Variants in INO80D observed in about 807,000 individuals in gnomAD.
The protein encoded by INO80D is INO80 complex subunit D.
INO80D carries 21 observed loss-of-function variants against 87.6 expected under a neutral mutation model. The observed-to-expected ratio is 0.24, with a 90% CI of 0.17 to 0.35. The LOEUF is 0.35. Among genes scored for constraint, INO80D ranks in the 10% least tolerant of loss-of-function variants. INO80D has a pLI of 1.00. For synonymous variants in INO80D, 440 were observed against 491.0 expected (o/e 0.90, Z 1.37); for missense variants, 982 against 1,280.7 (o/e 0.77, Z 3.56).
At chr2:206,044,764 T>A (rs918121638) in intron 5 of INO80D, among the ~76,000 whole-genome samples, 2 of 152,212 alleles carry the variant, frequency 1.3e-5, no homozygotes, top group Admixed American at 1.3e-4. Flanking sequence ...AAATTAAGAA[T>A]GATAACTACC....
At chr2:206,013,392 A>C (rs1688231326) in intron 8 of INO80D, among the ~76,000 whole-genome samples, 2 of 152,056 alleles carry the variant, frequency 1.3e-5, no homozygotes, top group Admixed American at 1.3e-4. Context: ...TCTCTACTAA[A>C]AATACAAAAA....
chr2:206,084,271 A>C (rs3796050), intron 1 of INO80D, among the ~76,000 whole-genome samples: 61 of 137,462 alleles, frequency 4.4e-4, no homozygotes, highest in East Asian at 2.4e-3. Context: ...ACACACACAC[A>C]CACCCCAAAA....
At chr2:206,007,497 C>T in intron 9 of INO80D, 56 bp from the exon 10 acceptor site, 1 of 1,533,220 alleles carries the variant, frequency 6.5e-7, no homozygotes, top group Middle Eastern at 1.7e-4. Flanking sequence ...CACATCAATA[C>T]CACCAAGCCA....
chr2:206,009,725 T>G lies in INO80D; in HGVS notation c.1612A>C (p.Thr538Pro). ...TTTTTGGTTAGTGCAGGAGGCTTGG[T>G]TTTTTTCCTGGGTTTCCTCTGCTGC... ...HQQQRKPRKK[T>P]KPPALTKKHK... The change falls in exon 9 of 11, where the codon ACC (threonine) becomes CCC (proline). Residue 538 changes from threonine (T) to proline (P), a missense_variant. By Grantham distance (38) the Thr-to-Pro change is conservative. Coordinates refer to ENST00000403263, the MANE Select transcript of INO80D (RefSeq NM_017759.5). 1 of 1,613,886 alleles carries G rather than the reference T, an allele frequency of 6.2e-7. No homozygotes were observed. Among genetic ancestry groups the G allele is most frequent in the East Asian group, 2.2e-5 (1 of 44,882 alleles).
chr2:206,036,988 C>G (rs1460751258), intron 5 of INO80D, among the ~76,000 whole-genome samples: 1 of 152,146 alleles, frequency 6.6e-6, no homozygotes, highest in African/African-American at 2.4e-5. Flanking sequence ...ATTAATATTT[C>G]AAACCTGGTT....
chr2:206,021,755 G>C (rs925698893), intron 6 of INO80D, among the ~76,000 whole-genome samples: 1 of 152,050 alleles, frequency 6.6e-6, no homozygotes, highest in South Asian at 2.1e-4. Context: ...TGGGATTACA[G>C]GCACCTGCCA....
chr2:206,017,589 T>A, intron 8 of INO80D, 91 bp downstream of exon 8: 1 of 1,060,824 alleles, frequency 9.4e-7, no homozygotes, highest in Non-Finnish European at 1.3e-6. Flanking sequence ...TTTCAGTGAT[T>A]TATATACATA....
rs772129547 is a variant in INO80D, at chr2:206,004,692, C to T, written c.2760G>A (p.Thr920=). The change falls in exon 11 of 11, where the codon ACG becomes ACA. Residue 920 remains threonine (T), a synonymous_variant. Coordinates refer to ENST00000403263, the MANE Select transcript of INO80D (RefSeq NM_017759.5). This position sits in a 1 kb window ranked among gnomAD's most constrained non-coding sequence, Gnocchi z 4.9. ...TCTCTGAGTTCGAAGTGGTGGGTGGCGTGGATAGGGAAGTGGAAAGAAGAT... is the reference window on the plus strand; with the variant it reads ...TCTCTGAGTTCGAAGTGGTGGGTGGTGTGGATAGGGAAGTGGAAAGAAGAT... The part of the protein sequence containing the change: ...DGHLLSTSLS[T]PPTTSNSETT... 10 of 1,613,664 alleles carry T rather than the reference C, an allele frequency of 6.2e-6. No homozygotes were observed. The highest frequency in any genetic ancestry group is 1.1e-5 in the South Asian group (1 of 91,046).
At chr2:206,040,727 A>G (rs377428555) in intron 5 of INO80D, 16 of 279,208 alleles carry the variant, frequency 5.7e-5, no homozygotes, top group African/African-American at 1.6e-4. Flanking sequence ...GTCATCCACA[A>G]GGATGTCTTC....
chr2:206,073,564 A>T (rs1294758354), intron 1 of INO80D, among the ~76,000 whole-genome samples: 1 of 151,510 alleles, frequency 6.6e-6, no homozygotes, highest in African/African-American at 2.4e-5. Context: ...GCCAGGCTGG[A>T]GTGCAGTGGT....
Position 205,997,348 on chromosome 2 carries a change from G to C in INO80D, c.*7020C>G, listed in dbSNP as rs1284455162. 1 of 151,790 alleles carries C rather than the reference G, an allele frequency of 6.6e-6. No individual in the cohort carries two copies. The highest frequency in any genetic ancestry group is 6.6e-5 in the Admixed American group (1 of 15,212). The allele number at this position is 151,790 out of a possible 1,614,324, so 9.4% of individuals were successfully genotyped here. On this transcript the variant is annotated 3_prime_UTR_variant, in exon 11 of 11. Transcript: ENST00000403263. ...TAAATAACAGCAGAACTGAGTAAAA[G>C]TTTTTTGAAAAATTTTGGAAATAAA...
intron 7 of INO80D, among the ~76,000 whole-genome samples, 172 bp downstream of exon 7, chr2:206,019,563 TA>T (rs1416971297): frequency 2.0e-5 from 3 of 152,166 alleles, no homozygotes; most frequent in Non-Finnish European, 4.4e-5. Context: ...GATTTTTGAG[TA>T]AAACAAGAAA....
chr2:206,016,437 T>C (rs189554037), intron 8 of INO80D, among the ~76,000 whole-genome samples: 15 of 152,334 alleles, frequency 9.8e-5, no homozygotes, highest in Admixed American at 7.2e-4. Context: ...TACAGGCTCA[T>C]AGGCAGAAGA....
Position 206,001,398 on chromosome 2 carries a change from CAG to C in INO80D, c.*2968_*2969del, listed in dbSNP as rs1687906328. ...AAATAGTCCCAAAGAACTGCAGAAA[CAG>C]AGTGAAACTTCTTTGCCACTATTTC... is the stretch of plus-strand genomic sequence containing the variant. On this transcript the variant is annotated 3_prime_UTR_variant, in exon 11 of 11. Transcript: ENST00000403263. 2 of 152,312 alleles carry C rather than the reference CAG, an allele frequency of 1.3e-5. No homozygotes were observed. The highest frequency in any genetic ancestry group is 2.1e-4 in the South Asian group (1 of 4,832). 9.4% of individuals were successfully genotyped at this position (152,312 alleles called of 1,614,324 possible).
intron 1 of INO80D, among the ~76,000 whole-genome samples, chr2:206,074,033 G>A (rs374295328): frequency 4.0e-5 from 6 of 151,868 alleles, no homozygotes; most frequent in African/African-American, 1.4e-4. Flanking sequence ...AATACATGAT[G>A]AATATCACTT....
chr2:206,012,300 T>G (rs1688197533), intron 8 of INO80D, among the ~76,000 whole-genome samples: 1 of 152,174 alleles, frequency 6.6e-6, no homozygotes, highest in Non-Finnish European at 1.5e-5. Flanking sequence ...GTTCTGTATC[T>G]TGATTTAGGT....
rs80061432 is a variant in INO80D, at chr2:206,045,983, T to C, written c.1073+521A>G. On this transcript the variant is annotated intron_variant, in intron 5 of 10. Transcript: ENST00000403263. ...GGTTCTTTTCAATTCTAGGTTCTAT[T>C]ATAATTAATTCCTTTAATGATGAAT... Among the ~76,000 whole-genome samples the C allele has an allele frequency of 4.6e-4, 70 of 152,298 alleles. 1 individual carries two copies. In the East Asian group the frequency reaches 0.011, roughly 25 times the overall value.
intron 5 of INO80D, among the ~76,000 whole-genome samples, chr2:206,036,259 G>T (rs530456067): frequency 6.6e-6 from 1 of 152,250 alleles, no homozygotes; most frequent in South Asian, 2.1e-4. Flanking sequence ...CAGAGGAAAA[G>T]AAGTCATTAT....
intron 6 of INO80D, among the ~76,000 whole-genome samples, chr2:206,020,732 C>T (rs542951293): frequency 1.9e-3 from 289 of 152,216 alleles, no homozygotes; most frequent in Non-Finnish European, 3.3e-3. Flanking sequence ...AGTGAAGAAT[C>T]GACTTCTTGC....
Sources: allele counts gnomAD v4.1 joint callset (sites outside exome capture counted in the v4.1 genomes callset), GRCh38; gene constraint gnomAD v4.1.1; non-coding constraint Gnocchi (gnomAD v3.1); transcripts MANE v1.5; gene names NCBI Gene and HGNC (gene_info 2026-07-23, HGNC 2026-07-21).